The following SETD2 variants were observed in gnomAD, a reference collection of about 807,000 sequenced individuals.
SETD2 encodes SET domain containing 2, histone lysine methyltransferase.
Under a neutral mutation model 242.1 loss-of-function variants are expected in SETD2, and 31 were observed. The observed-to-expected ratio is 0.13, with a 90% CI of 0.10 to 0.17. The LOEUF is 0.17. SETD2 is among the 10% of genes least tolerant of loss of function. The probability of loss-of-function intolerance (pLI) is 1.00; values close to 1 mark genes in which losing one functional copy is unlikely to be tolerated. For synonymous variants in SETD2, 1,006 were observed against 1,066.5 expected (o/e 0.94, Z 1.11); for missense variants, 2,481 against 3,046.3 (o/e 0.81, Z 4.37).
rs191229525 is a variant in SETD2, at chr3:47,023,228, G to A, written c.7351-3388C>T. Among the ~76,000 whole-genome samples the A allele has an allele frequency of 1.9e-3, 293 of 152,094 alleles. 2 individuals carry two copies. Among genetic ancestry groups the A allele is most frequent in the African/African-American group, 3.7e-3 (155 of 41,486 alleles). ...AGCCTGGCCAAGATGGTGAAACCCC[G>A]TCTCTACTAAAAAATACAAAAATTA... On this transcript the variant is annotated intron_variant, in intron 18 of 20. Transcript: ENST00000409792.
chr3:47,050,723 C>CTCTCTTTTTT (rs1553682525), intron 15 of SETD2, among the ~76,000 whole-genome samples: 2 of 66,878 alleles, frequency 3.0e-5, no homozygotes, highest in Non-Finnish European at 5.2e-5. Context: ...TTTCCTCTCT[C>CTCTCTTTTTT]TTTTTTTTTT....
intron 1 of SETD2, among the ~76,000 whole-genome samples, chr3:47,151,555 C>T (rs983179425): frequency 1.3e-5 from 2 of 152,106 alleles, no homozygotes; most frequent in Non-Finnish European, 2.9e-5. Context: ...ATGCCGCGTA[C>T]AGTGGCTCAT....
At chr3:47,032,335 C>T (rs2038807242) in intron 18 of SETD2, among the ~76,000 whole-genome samples, 1 of 151,516 alleles carries the variant, frequency 6.6e-6, no homozygotes, top group African/African-American at 2.4e-5. Context: ...ACCAACACCA[C>T]CAGACCCTGT....
intron 19 of SETD2, among the ~76,000 whole-genome samples, chr3:47,019,066 G>A (rs1483103970): frequency 1.3e-5 from 2 of 152,344 alleles, no homozygotes; most frequent in South Asian, 2.1e-4. Flanking sequence ...AGTGAATGAA[G>A]ATTGGAGTTT....
intron 1 of SETD2, among the ~76,000 whole-genome samples, chr3:47,156,370 T>C (rs1449796133): frequency 1.3e-5 from 2 of 152,190 alleles, no homozygotes; most frequent in South Asian, 2.1e-4. Flanking sequence ...ACTAGGAAAG[T>C]ATGACTGATA....
chr3:47,084,276 G>C lies in SETD2; in HGVS notation c.5504C>G (p.Pro1835Arg). ...ATACCCATCTCCTTCACTCAACGGA[G>C]GGACAGCAGTCTTAGTCTGAGACCA... is the stretch of plus-strand genomic sequence containing the variant. ...QRWSQTKTAV[P>R]PLSEGDGYSS... Residue 1835 changes from proline (P) to arginine (R), a missense_variant, in exon 12 of 21, where the codon CCT (proline) becomes CGT (arginine). By Grantham distance (103) the Pro-to-Arg change is moderately radical. This residue lies in a region of SETD2 where 203 missense variants were observed against 222.4 expected (regional missense o/e 0.91). Transcript: ENST00000409792. The C allele has an allele frequency of 6.2e-7, 1 of 1,614,028 alleles. No homozygotes were observed. Among genetic ancestry groups the C allele is most frequent in the Non-Finnish European group, 8.5e-7 (1 of 1,179,976 alleles).
intron 14 of SETD2, among the ~76,000 whole-genome samples, chr3:47,059,670 G>A (rs1407147175): frequency 4.7e-5 from 7 of 148,746 alleles, no homozygotes; most frequent in South Asian, 2.2e-4. Flanking sequence ...CACTCGCCTC[G>A]GCCTCCCAAA....
chr3:47,126,131 G>C (rs2043319006), intron 2 of SETD2, among the ~76,000 whole-genome samples: 1 of 152,168 alleles, frequency 6.6e-6, no homozygotes, highest in Non-Finnish European at 1.5e-5. Context: ...CCCAGCTCAA[G>C]CAATTCTCCT....
chr3:47,058,644 TACG>T (rs1559674634), intron 14 of SETD2, among the ~76,000 whole-genome samples: 1 of 150,534 alleles, frequency 6.6e-6, no homozygotes, highest in Non-Finnish European at 1.5e-5. Context: ...TAAAATGCAA[TACG>T]ACAAGTGAAA....
At chr3:47,034,519 C>T (rs555072238) in intron 18 of SETD2, among the ~76,000 whole-genome samples, 1 of 152,178 alleles carries the variant, frequency 6.6e-6, no homozygotes, top group South Asian at 2.1e-4. Flanking sequence ...AACAATTAGC[C>T]AGGCATGGTG....
At chr3:47,056,728 G>T in intron 15 of SETD2, 93 bp downstream of exon 15, 1 of 945,072 alleles carries the variant, frequency 1.1e-6, no homozygotes, top group Non-Finnish European at 1.6e-6. Flanking sequence ...TATACAAGTA[G>T]TCCATGGTAA....
At chr3:47,147,584 G>A (rs2106813161) in intron 1 of SETD2, among the ~76,000 whole-genome samples, 1 of 151,408 alleles carries the variant, frequency 6.6e-6, no homozygotes, top group South Asian at 2.1e-4. Flanking sequence ...AAAGTGCTGG[G>A]ATTACAGGTG....
intron 9 of SETD2, among the ~76,000 whole-genome samples, chr3:47,097,326 G>C (rs2042047939): frequency 6.6e-6 from 1 of 151,914 alleles, no homozygotes; most frequent in Non-Finnish European, 1.5e-5. Flanking sequence ...TCTAGCAAAG[G>C]GATCCTCAAA....
At position 47,123,294 on chromosome 3, in the gene SETD2, G is replaced by A. The variant is rs1245212934; in HGVS notation, c.1342C>T (p.Arg448Trp). ...CGTGCTCTGTTATCTGTGTATGGCC[G>A]AGAATAGCGCGTCCTCTCTCGATAA... ...SPYRERTRYSRPYTDNRARES... is the reference protein window; with the variant it reads ...SPYRERTRYSWPYTDNRARES... The change falls in exon 3 of 21, where the codon CGG (arginine) becomes TGG (tryptophan). Residue 448 changes from arginine (R) to tryptophan (W), a missense_variant. Around this residue, in one of 17 missense-constraint regions of SETD2, gnomAD observed 1,300 missense variants for 1,259.2 expected, o/e 1.03. Coordinates refer to ENST00000409792, the MANE Select transcript of SETD2 (RefSeq NM_014159.7). 5 of 1,551,726 alleles carry A rather than the reference G, an allele frequency of 3.2e-6. No individual in the cohort carries two copies. Among genetic ancestry groups the A allele is most frequent in the South Asian group, 1.2e-5 (1 of 84,154 alleles).
intron 14 of SETD2, among the ~76,000 whole-genome samples, chr3:47,058,465 C>CAAA (rs1448864045): frequency 3.9e-5 from 3 of 76,156 alleles, no homozygotes; most frequent in East Asian, 3.7e-4. Context: ...AAAAAAAAAA[C>CAAA]ACAAAGAGGG....
chr3:47,155,313 A>C (rs958886821), intron 1 of SETD2, among the ~76,000 whole-genome samples: 2 of 152,216 alleles, frequency 1.3e-5, no homozygotes, highest in Admixed American at 6.5e-5. Context: ...ACACTATCAG[A>C]TATTTAGGAA....
intron 9 of SETD2, among the ~76,000 whole-genome samples, chr3:47,090,341 C>T (rs1408049215): frequency 6.6e-6 from 1 of 152,100 alleles, no homozygotes; most frequent in African/African-American, 2.4e-5. Context: ...AAAACCTGAA[C>T]AGAATCCTGA....
intron 13 of SETD2, among the ~76,000 whole-genome samples, chr3:47,066,216 T>A (rs940078970): frequency 1.3e-5 from 2 of 152,240 alleles, no homozygotes; most frequent in Non-Finnish European, 2.9e-5. Flanking sequence ...ATTTTAAGAA[T>A]ACAGTTACAT....
chr3:47,061,601 TAAAACTAA>T (rs2107587154), intron 14 of SETD2, among the ~76,000 whole-genome samples: 2 of 152,318 alleles, frequency 1.3e-5, no homozygotes, highest in Admixed American at 1.3e-4. Flanking sequence ...CGAGATACTT[TAAAACTAA>T]AAAATTCTGC....
Sources: allele counts gnomAD v4.1 joint callset (sites outside exome capture counted in the v4.1 genomes callset), GRCh38; gene constraint gnomAD v4.1.1; regional missense constraint gnomAD v4.1.1; transcripts MANE v1.5; gene names NCBI Gene and HGNC (gene_info 2026-07-23, HGNC 2026-07-21).